Variants in CCDC88C observed in about 807,000 individuals in gnomAD.
The protein encoded by CCDC88C is coiled-coil and HOOK domain protein 88C, also known as protein Daple.
Under a neutral mutation model 198.8 loss-of-function variants are expected in CCDC88C, and 131 were observed. The observed-to-expected ratio is 0.66, with a 90% confidence interval of 0.57 to 0.76. The LOEUF is 0.76. Ranked by LOEUF, CCDC88C falls within the 30% of genes least tolerant of loss-of-function variation. CCDC88C has a pLI of 0.00. For synonymous variants in CCDC88C, 1,166 were observed against 1,114.7 expected (o/e 1.05, Z -0.92); for missense variants, 2,553 against 2,631.6 (o/e 0.97, Z 0.65).
At position 91,313,365 on chromosome 14, in the gene CCDC88C, C is replaced by T; in HGVS notation, c.2451G>A (p.Glu817=). The T allele has an allele frequency of 1.2e-6, 2 of 1,610,878 alleles. No homozygotes were observed. Among genetic ancestry groups the T allele is most frequent in the Non-Finnish European group, 1.7e-6 (2 of 1,179,834 alleles). ...CCTGCTCCAGGGCCTTCCTGTCCTT[C>T]TCGGCCCCCTCCAACTGTGCATTGG... is the stretch of plus-strand genomic sequence containing the variant. ...RLANAQLEGA[E]KDRKALEQEV... is the part of the protein sequence containing the mutation. Residue 817 remains glutamate, a synonymous_variant, in exon 15 of 30, where the codon GAG becomes GAA. Coordinates refer to ENST00000389857, the MANE Select transcript of CCDC88C (RefSeq NM_001080414.4). The surrounding 1 kb of genome is among the most constrained non-coding windows in gnomAD (Gnocchi z 5.2).
rs1333597348 is a variant in CCDC88C at position 91,339,036 on chromosome 14, G to C, written c.809+242C>G. 14 of 599,976 alleles carry C rather than the reference G, an allele frequency of 2.3e-5. No individual in the cohort carries two copies. The Admixed American group carries it at 3.5e-4, about 15-fold the overall frequency. 37.2% of individuals were successfully genotyped at this position (599,976 alleles called of 1,614,324 possible). A position where few individuals can be genotyped will look rare whatever the true frequency, so the allele number is the denominator to read the frequency against. ...TGGAGGCTGCTTCTGTGGACAACTT[G>C]CACCGTCTGGACGGGAGGAAACCCT... On this transcript the variant is annotated intron_variant, in intron 8 of 29. Transcript: ENST00000389857. This position sits in a 1 kb window ranked among gnomAD's most constrained non-coding sequence, Gnocchi z 5.8.
In CCDC88C at chr14:91,299,416, A is replaced by C. The variant is rs143706709; in HGVS notation, c.3779+511T>G. Among the ~76,000 whole-genome samples, 3 of 152,344 alleles carry C rather than the reference A, an allele frequency of 2.0e-5. No homozygotes were observed. The East Asian group carries it at 5.8e-4, about 29-fold the overall frequency. On this transcript the variant is annotated intron_variant, in intron 21 of 29. Coordinates refer to ENST00000389857, the MANE Select transcript of CCDC88C (RefSeq NM_001080414.4). The stretch of plus-strand genomic sequence containing the variant: ...GGACATTTGTTTGCAGTAGGAGCTG[A>C]AACAAGAAGGCAGCGTGCTGTCGTG...
intron 3 of CCDC88C, among the ~76,000 whole-genome samples, chr14:91,360,453 A>C (rs773780657): frequency 2.0e-5 from 3 of 152,190 alleles, no homozygotes; most frequent in Non-Finnish European, 4.4e-5. Context: ...TCCAAAAAAG[A>C]AAATAAGAAG....
At chr14:91,380,703 A>C (rs982349283) in intron 3 of CCDC88C, among the ~76,000 whole-genome samples, 1 of 151,530 alleles carries the variant, frequency 6.6e-6, no homozygotes, top group Non-Finnish European at 1.5e-5. Flanking sequence ...TTTTTCCCCT[A>C]TGTGCCTCTT....
chr14:91,363,735 G>T (rs952102059), intron 3 of CCDC88C, among the ~76,000 whole-genome samples: 1 of 152,226 alleles, frequency 6.6e-6, no homozygotes, highest in African/African-American at 2.4e-5. Context: ...GTCACACTGC[G>T]GTATCTCCAG....
intron 3 of CCDC88C, among the ~76,000 whole-genome samples, chr14:91,384,981 A>G (rs541800864): frequency 1.3e-4 from 20 of 152,310 alleles, no homozygotes; most frequent in Admixed American, 1.2e-3. Flanking sequence ...CTTCCAAAGC[A>G]CATTCTCCCC....
At chr14:91,316,401 G>A (rs1463373918) in intron 13 of CCDC88C, among the ~76,000 whole-genome samples, 1 of 151,864 alleles carries the variant, frequency 6.6e-6, no homozygotes, top group Non-Finnish European at 1.5e-5. Flanking sequence ...TGCCCGCCTT[G>A]CTGAAATGCA....
chr14:91,388,590 G>A (rs902688761), intron 3 of CCDC88C, among the ~76,000 whole-genome samples: 5 of 152,206 alleles, frequency 3.3e-5, no homozygotes, highest in African/African-American at 1.2e-4. Context: ...GCTTAACTCA[G>A]ACGCTCACAG....
chr14:91,374,031 T>C (rs1894959147), intron 3 of CCDC88C, among the ~76,000 whole-genome samples: 1 of 152,230 alleles, frequency 6.6e-6, no homozygotes, highest in African/African-American at 2.4e-5. Context: ...GGGCAGATGC[T>C]GGAACATGCT....
At chr14:91,299,431 G>T (rs552977111) in intron 21 of CCDC88C, among the ~76,000 whole-genome samples, 1 of 152,332 alleles carries the variant, frequency 6.6e-6, no homozygotes, top group East Asian at 1.9e-4. Context: ...AGAAGGCAGC[G>T]TGCTGTCGTG....
At chr14:91,292,737 G>A (rs1441411711) in intron 23 of CCDC88C, among the ~76,000 whole-genome samples, 3 of 152,108 alleles carry the variant, frequency 2.0e-5, no homozygotes, top group African/African-American at 7.2e-5. Flanking sequence ...TCACGTGGAA[G>A]GACAGCCCAA....
chr14:91,305,146 C>T (rs1251580263), intron 19 of CCDC88C, among the ~76,000 whole-genome samples: 1 of 151,642 alleles, frequency 6.6e-6, no homozygotes, highest in Non-Finnish European at 1.5e-5. Flanking sequence ...TGCAGTGAGC[C>T]GAGATCGCAC....
At chr14:91,378,324 C>T (rs1013361330) in intron 3 of CCDC88C, among the ~76,000 whole-genome samples, 3 of 152,128 alleles carry the variant, frequency 2.0e-5, no homozygotes, top group Non-Finnish European at 4.4e-5. Context: ...TCCACCCCCT[C>T]CCCCAGTGAA....
chr14:91,351,161 G>A (rs892460437), intron 4 of CCDC88C, among the ~76,000 whole-genome samples: 1 of 152,144 alleles, frequency 6.6e-6, no homozygotes, highest in Admixed American at 6.5e-5. Flanking sequence ...TCTCTTCTAC[G>A]GCACGTATGT....
intron 26 of CCDC88C, among the ~76,000 whole-genome samples, chr14:91,282,513 GTTC>G (rs1890240649): frequency 6.6e-6 from 1 of 152,022 alleles, no homozygotes; most frequent in South Asian, 2.1e-4. Context: ...ATAGCATCCT[GTTC>G]TTGTTTCTTG....
chr14:91,280,969 C>T (rs1429395925), intron 27 of CCDC88C, among the ~76,000 whole-genome samples: 1 of 152,074 alleles, frequency 6.6e-6, no homozygotes, highest in East Asian at 1.9e-4. Context: ...AAAAATTAAA[C>T]CAAAGCAGCT....
At chr14:91,362,915 C>T (rs992913550) in intron 3 of CCDC88C, among the ~76,000 whole-genome samples, 26 of 148,186 alleles carry the variant, frequency 1.8e-4, no homozygotes, top group African/African-American at 4.8e-4. Context: ...GGTGACAGAG[C>T]GAGACTCCAT....
chr14:91,361,282 G>A (rs980911737), intron 3 of CCDC88C, among the ~76,000 whole-genome samples: 1 of 152,118 alleles, frequency 6.6e-6, no homozygotes, highest in Admixed American at 6.6e-5. Context: ...AACTAGTTTC[G>A]TAAGTCGCTC....
rs760066360 is a variant in CCDC88C, at chr14:91,321,144, C to A, written c.1503G>T (p.Lys501Asn). ...CCTTCTTGCTGAGCTGGTGGTTCTC[C>A]TTCTCCAGCTCCCCGCACTTGAGGC... ...ESGLKCGELE[K>N]ENHQLSKKIE... The change falls in exon 13 of 30, where the codon AAG becomes AAT. Residue 501 changes from lysine to asparagine, a missense_variant. Coordinates refer to ENST00000389857, the MANE Select transcript of CCDC88C (RefSeq NM_001080414.4). 6.2e-7 allele frequency: 1 copy of A among 1,611,692 alleles called. No homozygotes were observed. Among genetic ancestry groups the A allele is most frequent in the South Asian group, 1.1e-5 (1 of 90,860 alleles).
Sources: gnomAD v4.1 joint callset for allele counts (sites outside exome capture counted in the v4.1 genomes callset) on GRCh38, gnomAD v4.1.1 for gene constraint, Gnocchi (gnomAD v3.1) non-coding constraint, MANE v1.5 for transcripts, NCBI Gene and HGNC (gene_info 2026-07-23, HGNC 2026-07-21) for gene names.